Variants in SYT16 observed in about 807,000 individuals in gnomAD.
SYT16 encodes the protein synaptotagmin-16.
SYT16 carries 42 observed loss-of-function variants against 61.4 expected under a neutral mutation model. The ratio of observed to expected loss-of-function variants is 0.68; its 90% CI spans 0.53 to 0.89. The LOEUF (loss-of-function observed/expected upper bound fraction) is 0.89, where lower values mean the gene tolerates loss of function less well. Ranked by LOEUF, SYT16 falls within the 40% of genes least tolerant of loss-of-function variation. SYT16 has a pLI of 0.00. For missense variants in SYT16, 804 were observed against 807.3 expected, an observed-to-expected ratio of 1.00 and a Z score of 0.05; for synonymous variants, 314 against 302.3, an observed-to-expected ratio of 1.04 and a Z score of -0.40.
Position 62,100,761 on chromosome 14 carries a change from T to C in SYT16, c.*54T>C. Reference sequence around the variant, plus strand: ...TCCACCTTGGTTACCTGTGTTGCTGTCTACTGACACTAAGTGTCCTGGCAA... The same window carrying C: ...TCCACCTTGGTTACCTGTGTTGCTGCCTACTGACACTAAGTGTCCTGGCAA... On this transcript the variant is annotated 3_prime_UTR_variant, in exon 8 of 8. Coordinates refer to ENST00000683842, the MANE Select transcript of SYT16 (RefSeq NM_001367656.1). 2 of 1,549,058 alleles carry C rather than the reference T, an allele frequency of 1.3e-6. No homozygotes were observed. The highest frequency in any genetic ancestry group is 8.7e-7 in the Non-Finnish European group (1 of 1,144,632).
At chr14:62,010,225 C>T (rs2053389967) in intron 3 of SYT16, among the ~76,000 whole-genome samples, 1 of 152,110 alleles carries the variant, frequency 6.6e-6, no homozygotes, top group Non-Finnish European at 1.5e-5. Flanking sequence ...TATGTCTTAC[C>T]CATATGTGAT....
At chr14:61,971,002 T>C (rs762678537) in intron 2 of SYT16, among the ~76,000 whole-genome samples, 3 of 151,984 alleles carry the variant, frequency 2.0e-5, no homozygotes, top group Admixed American at 6.6e-5. Context: ...TGGGGCATGA[T>C]GTACCTGGTC....
chr14:62,110,024 G>T lies in SYT16; in HGVS notation c.*9317G>T, dbSNP rs575793526. ...GAAAACACTGATAGTCACTCTGGGT[G>T]AAGGGGGAGGCCTGGCCAATGATTT... On this transcript the variant is annotated 3_prime_UTR_variant, in exon 8 of 8. Transcript: ENST00000683842. 4 of 152,218 alleles carry T rather than the reference G, an allele frequency of 2.6e-5. No homozygotes were observed. Among genetic ancestry groups the T allele is most frequent in the African/African-American group, 9.6e-5 (4 of 41,458 alleles). 9.4% of individuals were successfully genotyped at this position (152,218 alleles called of 1,614,324 possible).
chr14:62,047,664 A>G (rs533826431), intron 3 of SYT16, among the ~76,000 whole-genome samples: 118 of 121,584 alleles, frequency 9.7e-4, no homozygotes, highest in African/African-American at 6.0e-3. Flanking sequence ...TAACTAATTT[A>G]TTGAGAGTTT....
chr14:61,971,610 A>G (rs887644823), intron 2 of SYT16, among the ~76,000 whole-genome samples: 1 of 152,234 alleles, frequency 6.6e-6, no homozygotes, highest in Non-Finnish European at 1.5e-5. Flanking sequence ...GTGTTTGTTC[A>G]TTGAGCACAG....
chr14:61,845,028 T>G (rs1487681156), intron 1 of SYT16, among the ~76,000 whole-genome samples: 1 of 151,144 alleles, frequency 6.6e-6, no homozygotes, highest in Non-Finnish European at 1.5e-5. Context: ...AAGCTTTTCT[T>G]TACTAGAAGA....
intron 2 of SYT16, among the ~76,000 whole-genome samples, chr14:61,992,412 G>A (rs955803049): frequency 6.6e-6 from 1 of 152,096 alleles, no homozygotes; most frequent in African/African-American, 2.4e-5. Flanking sequence ...AGACAGCTAG[G>A]TATTCAGTGA....
intron 1 of SYT16, among the ~76,000 whole-genome samples, chr14:61,910,615 C>T (rs1484411175): frequency 1.3e-5 from 2 of 151,422 alleles, no homozygotes; most frequent in Admixed American, 6.6e-5. Context: ...ACTGCAACCT[C>T]TGCCTCCCGG....
rs1285468308 is a variant in SYT16, at chr14:62,110,403, A to G, written c.*9696A>G. On this transcript the variant is annotated 3_prime_UTR_variant, in exon 8 of 8. Coordinates refer to ENST00000683842, the MANE Select transcript of SYT16 (RefSeq NM_001367656.1). ...CCCACTATATAACAGGGCCATACAT[A>G]TGACAAGGTGATAGATGGAAAGACG... 1 of 152,150 alleles carries G rather than the reference A, an allele frequency of 6.6e-6. No individual in the cohort carries two copies. The highest frequency in any genetic ancestry group is 1.5e-5 in the Non-Finnish European group (1 of 67,990). 9.4% of individuals were successfully genotyped at this position (152,150 alleles called of 1,614,324 possible).
intron 1 of SYT16, among the ~76,000 whole-genome samples, chr14:61,856,770 A>C (rs558986990): frequency 7.9e-5 from 12 of 152,176 alleles, no homozygotes; most frequent in Non-Finnish European, 1.8e-4. Flanking sequence ...CATTTGGGAG[A>C]TGTTAAACAC....
intron 7 of SYT16, among the ~76,000 whole-genome samples, chr14:62,093,784 T>C (rs1034459434): frequency 4.6e-4 from 70 of 152,158 alleles, no homozygotes; most frequent in African/African-American, 1.6e-3. Context: ...GCACTCTTCA[T>C]TACTGACAAA....
At chr14:61,832,933 T>C (rs2045988095) in intron 1 of SYT16, among the ~76,000 whole-genome samples, 2 of 152,236 alleles carry the variant, frequency 1.3e-5, no homozygotes, top group Non-Finnish European at 2.9e-5. Flanking sequence ...TTGTAGTCCG[T>C]TTAATTCATC....
chr14:61,885,570 G>T (rs2047867692), intron 1 of SYT16, among the ~76,000 whole-genome samples: 1 of 152,144 alleles, frequency 6.6e-6, no homozygotes, highest in Non-Finnish European at 1.5e-5. Flanking sequence ...GACAAAGCAA[G>T]GAGACATTTA....
At chr14:62,010,910 A>C (rs983651101) in intron 3 of SYT16, among the ~76,000 whole-genome samples, 4 of 152,196 alleles carry the variant, frequency 2.6e-5, no homozygotes, top group Non-Finnish European at 4.4e-5. Context: ...ATGTGCAGAA[A>C]GTTAGAAAAC....
intron 3 of SYT16, among the ~76,000 whole-genome samples, chr14:62,034,719 G>A: frequency 6.6e-6 from 1 of 152,032 alleles, no homozygotes; most frequent in East Asian, 1.9e-4. Context: ...CAGGGGTGGG[G>A]GAGAATGGGT....
At chr14:61,977,433 C>T (rs1469463411) in intron 2 of SYT16, among the ~76,000 whole-genome samples, 5 of 152,132 alleles carry the variant, frequency 3.3e-5, no homozygotes, top group African/African-American at 1.2e-4. Flanking sequence ...GAAACTTAAT[C>T]ATAGCAGAAG....
At chr14:61,849,267 C>T (rs1251549765) in intron 1 of SYT16, among the ~76,000 whole-genome samples, 2 of 152,150 alleles carry the variant, frequency 1.3e-5, no homozygotes, top group African/African-American at 4.8e-5. Flanking sequence ...GTGAGCTGCA[C>T]TGCCTGGAGT....
chr14:61,903,605 A>G (rs2048598105), intron 1 of SYT16, among the ~76,000 whole-genome samples: 1 of 152,242 alleles, frequency 6.6e-6, no homozygotes, highest in Admixed American at 6.5e-5. Context: ...AATGCTTAGA[A>G]CATGACTGGG....
chr14:62,015,981 G>C (rs962664063), intron 3 of SYT16, among the ~76,000 whole-genome samples: 1 of 152,168 alleles, frequency 6.6e-6, no homozygotes, highest in African/African-American at 2.4e-5. Context: ...CCTTCCCCCA[G>C]GATAGTCCTG....
Sources: allele counts gnomAD v4.1 joint callset (sites outside exome capture counted in the v4.1 genomes callset), GRCh38; gene constraint gnomAD v4.1.1; transcripts MANE v1.5; gene names NCBI Gene and HGNC (gene_info 2026-07-23, HGNC 2026-07-21).